Variants in OXR1 observed in about 807,000 individuals in gnomAD.
OXR1 encodes oxidation resistance 1.
OXR1 carries 41 observed loss-of-function variants against 104.6 expected under a neutral mutation model. The observed-to-expected ratio is 0.39, with a 90% CI of 0.31 to 0.51. The LOEUF (loss-of-function observed/expected upper bound fraction) is 0.51. Among genes scored for constraint, OXR1 ranks in the 20% least tolerant of loss-of-function variants. OXR1 has a pLI of 0.77. For synonymous variants in OXR1, 348 were observed against 348.4 expected (o/e 1.00, Z 0.01); for missense variants, 955 against 1,031.9 (o/e 0.93, Z 1.02).
chr8:106,304,897 AG>A (rs988616870), intron 1 of OXR1, among the ~76,000 whole-genome samples: 5 of 152,146 alleles, frequency 3.3e-5, no homozygotes, highest in African/African-American at 9.6e-5. Flanking sequence ...AACTCACCAT[AG>A]TTATTACTTT....
At chr8:106,700,973 G>GT (rs968479775) in intron 7 of OXR1, among the ~76,000 whole-genome samples, 29 of 150,364 alleles carry the variant, frequency 1.9e-4, no homozygotes, top group South Asian at 4.2e-4. Flanking sequence ...CTTTAAAGTT[G>GT]TTTTTTTTTA....
rs558664054 is a variant in OXR1, at chr8:106,399,800, T to G, written c.23+40164T>G. Among the ~76,000 whole-genome samples the G allele has an allele frequency of 1.1e-4, 17 of 152,250 alleles. No homozygotes were observed. The East Asian group carries it at 1.9e-3, about 17-fold the overall frequency. On this transcript the variant is annotated intron_variant, in intron 2 of 16. Coordinates refer to ENST00000517566, the MANE Select transcript of OXR1 (RefSeq NM_001198533.2). Reference sequence around the variant, plus strand: ...TACTCAAGGCCACACAGCTAATTAGTGGTAAAGTCAGGTTTGAACTCAGAC... The same window carrying G: ...TACTCAAGGCCACACAGCTAATTAGGGGTAAAGTCAGGTTTGAACTCAGAC...
chr8:106,626,703 G>T (rs1586922125), intron 3 of OXR1, among the ~76,000 whole-genome samples: 1 of 149,916 alleles, frequency 6.7e-6, no homozygotes. Context: ...CTGCTTTCCT[G>T]ATTTAACATT....
At chr8:106,716,969 C>T (rs1024006035) in intron 11 of OXR1, among the ~76,000 whole-genome samples, 1 of 151,910 alleles carries the variant, frequency 6.6e-6, no homozygotes, top group African/African-American at 2.4e-5. Context: ...GGGTGGATCA[C>T]GAGGTCAGGA....
At chr8:106,556,178 T>C (rs996222344) in intron 3 of OXR1, among the ~76,000 whole-genome samples, 1 of 152,056 alleles carries the variant, frequency 6.6e-6, no homozygotes, top group African/African-American at 2.4e-5. Flanking sequence ...TTAATGGATA[T>C]GATACTTCCT....
At chr8:106,452,007 T>C (rs1820338663) in intron 2 of OXR1, among the ~76,000 whole-genome samples, 1 of 152,142 alleles carries the variant, frequency 6.6e-6, no homozygotes, top group Non-Finnish European at 1.5e-5. Context: ...TTTGACTAAA[T>C]GTCCACTGTG....
intron 3 of OXR1, among the ~76,000 whole-genome samples, chr8:106,600,342 T>C (rs1819877900): frequency 6.6e-6 from 1 of 152,212 alleles, no homozygotes; most frequent in African/African-American, 2.4e-5. Flanking sequence ...TCTCCAGTTT[T>C]CTCCCCTTAC....
Position 106,270,264 on chromosome 8 carries a change from G to C in OXR1, c.-242G>C, listed in dbSNP as rs961941082. The C allele has an allele frequency of 6.6e-6, 1 of 151,904 alleles. No individual in the cohort carries two copies. Among genetic ancestry groups the C allele is most frequent in the Non-Finnish European group, 1.5e-5 (1 of 67,996 alleles). The allele number at this position is 151,904 out of a possible 1,614,324, so 9.4% of individuals were successfully genotyped here. ...GAGCCCATTCACCTCGCGGCCACAG[G>C]AGCTCAGCGCCGGCGCCGCGCCGCC... On this transcript the variant is annotated 5_prime_UTR_variant, in exon 1 of 17. Transcript: ENST00000517566.
chr8:106,586,396 G>A (rs1351701663), intron 3 of OXR1, among the ~76,000 whole-genome samples: 1 of 152,138 alleles, frequency 6.6e-6, no homozygotes, highest in Non-Finnish European at 1.5e-5. Context: ...AGAATATAAT[G>A]GATTTGACCT....
chr8:106,591,371 C>T (rs998422183), intron 3 of OXR1, among the ~76,000 whole-genome samples: 14 of 146,824 alleles, frequency 9.5e-5, no homozygotes, highest in African/African-American at 3.6e-4. Context: ...GTGCAGCACA[C>T]CAACATGGCA....
intron 3 of OXR1, among the ~76,000 whole-genome samples, chr8:106,617,760 G>C (rs1286012943): frequency 6.6e-6 from 1 of 152,186 alleles, no homozygotes; most frequent in African/African-American, 2.4e-5. Context: ...ATAAAATAGA[G>C]ATTTGTTAAA....
At chr8:106,446,117 G>C (rs1245942685) in intron 2 of OXR1, among the ~76,000 whole-genome samples, 2 of 152,142 alleles carry the variant, frequency 1.3e-5, no homozygotes, top group Non-Finnish European at 2.9e-5. Context: ...GATGAGAAGT[G>C]GTTTGTCTCC....
intron 3 of OXR1, among the ~76,000 whole-genome samples, chr8:106,555,854 G>A (rs1181967381): frequency 6.7e-6 from 1 of 149,698 alleles, no homozygotes; most frequent in East Asian, 1.9e-4. Flanking sequence ...GTGTGTATAT[G>A]TATATGTGTA....
chr8:106,603,308 C>T (rs1168670543), intron 3 of OXR1, among the ~76,000 whole-genome samples: 1 of 152,150 alleles, frequency 6.6e-6, no homozygotes, highest in Admixed American at 6.5e-5. Context: ...AGCCTTGATG[C>T]TGTCCTTATA....
intron 2 of OXR1, among the ~76,000 whole-genome samples, chr8:106,412,709 CA>C (rs1231744428): frequency 5.9e-5 from 9 of 152,110 alleles, no homozygotes; most frequent in Admixed American, 4.6e-4. Context: ...TGGCTGCGAG[CA>C]GACTGCATTT....
At chr8:106,561,151 T>A (rs190499662) in intron 3 of OXR1, among the ~76,000 whole-genome samples, 1 of 151,604 alleles carries the variant, frequency 6.6e-6, no homozygotes, top group East Asian at 1.9e-4. Flanking sequence ...CTAGAACACC[T>A]CAAGCAAGGG....
chr8:106,666,672 A>G (rs1227980063), intron 3 of OXR1, among the ~76,000 whole-genome samples: 1 of 152,194 alleles, frequency 6.6e-6, no homozygotes, highest in Non-Finnish European at 1.5e-5. Flanking sequence ...AAGGGGTATT[A>G]TGGTGAAACT....
intron 2 of OXR1, among the ~76,000 whole-genome samples, chr8:106,425,892 T>A (rs1319565039): frequency 6.6e-6 from 1 of 152,090 alleles, no homozygotes; most frequent in Non-Finnish European, 1.5e-5. Context: ...GGGAAGGTTG[T>A]CTCCGATGAG....
chr8:106,733,480 T>C (rs925237970), intron 11 of OXR1, among the ~76,000 whole-genome samples: 2 of 152,314 alleles, frequency 1.3e-5, no homozygotes, highest in Non-Finnish European at 2.9e-5. Context: ...TGATTTCTGC[T>C]CTAATTTTAT....
Sources: gnomAD v4.1 joint callset for allele counts (sites outside exome capture counted in the v4.1 genomes callset) on GRCh38, gnomAD v4.1.1 for gene constraint, MANE v1.5 for transcripts, NCBI Gene and HGNC (gene_info 2026-07-23, HGNC 2026-07-21) for gene names.